CDC14A: variants seen among roughly 807,000 people sequenced by gnomAD.
CDC14A encodes the protein cell division cycle 14A, also known as dual specificity protein phosphatase CDC14A.
Under a neutral mutation model 74.4 loss-of-function variants are expected in CDC14A, and 53 were observed. The ratio of observed to expected loss-of-function variants is 0.71; its 90% CI spans 0.57 to 0.89. The LOEUF (loss-of-function observed/expected upper bound fraction) is 0.89. CDC14A is among the 40% of genes least tolerant of loss of function. The probability of loss-of-function intolerance (pLI) is 0.00; values close to 1 mark genes in which losing one functional copy is unlikely to be tolerated. For missense variants in CDC14A, 646 were observed against 713.7 expected (o/e 0.91, Z 1.08); for synonymous variants, 247 against 258.4 (o/e 0.96, Z 0.43).
At chr1:100,350,688 C>G (rs1650881656), upstream of CDC14A, among the ~76,000 whole-genome samples, 1 of 152,192 alleles carries the variant, frequency 6.6e-6, no homozygotes, top group Non-Finnish European at 1.5e-5. Flanking sequence ...AATGAGAACT[C>G]TGACTTCTAT....
chr1:100,408,582 A>G (rs139453217), intron 4 of CDC14A, among the ~76,000 whole-genome samples: 297 of 152,246 alleles, frequency 2.0e-3, no homozygotes, highest in Non-Finnish European at 2.8e-3. Context: ...AGCATCTGTT[A>G]TATTTTTTGA....
At chr1:100,392,256 G>A (rs1657816649) in intron 4 of CDC14A, among the ~76,000 whole-genome samples, 2 of 152,188 alleles carry the variant, frequency 1.3e-5, no homozygotes, top group South Asian at 4.1e-4. Flanking sequence ...CATTGATAAT[G>A]ACTACTCATT....
In CDC14A at chr1:100,374,886, A is replaced by C. The variant is rs538288713; in HGVS notation, c.141-2660A>C. Among the ~76,000 whole-genome samples, 3 of 152,348 alleles carry C rather than the reference A, an allele frequency of 2.0e-5. No homozygotes were observed. The South Asian group carries it at 6.2e-4, about 32-fold the overall frequency. On this transcript the variant is annotated intron_variant, in intron 2 of 15. Coordinates refer to ENST00000336454, the MANE Select transcript of CDC14A (RefSeq NM_003672.4). ...TTAATGAACAAACTATTTCATAATG[A>C]ATACTTGTTTCTGCTTTTGTATTAC...
chr1:100,518,557 G>T lies in CDC14A; in HGVS notation c.*277G>T. The T allele has an allele frequency of 3.4e-6, 1 of 297,638 alleles. No homozygotes were observed. Among genetic ancestry groups the T allele is most frequent in the Non-Finnish European group, 6.3e-6 (1 of 158,182 alleles). 18.4% of individuals were successfully genotyped at this position (297,638 alleles called of 1,614,324 possible). A position where few individuals can be genotyped will look rare whatever the true frequency, so the allele number is the denominator to read the frequency against. ...GGTATTTTGAAGGGTTATTTTTAAT[G>T]TATTTTGGTAATACATTTATTATTA... On this transcript the variant is annotated 3_prime_UTR_variant, in exon 16 of 16. Transcript: ENST00000336454.
chr1:100,353,119 G>A (rs1248153670), intron 1 of CDC14A, 116 bp downstream of exon 1: 10 of 1,128,802 alleles, frequency 8.9e-6, no homozygotes, highest in African/African-American at 1.5e-5. Context: ...CGCTGCGCGC[G>A]CTCTCGTCCC....
At chr1:100,453,336 A>G (rs1666338592) in intron 7 of CDC14A, among the ~76,000 whole-genome samples, 1 of 152,222 alleles carries the variant, frequency 6.6e-6, no homozygotes, top group South Asian at 2.1e-4. Context: ...GTGGTCAAGG[A>G]TACAGAAATA....
intron 4 of CDC14A, among the ~76,000 whole-genome samples, chr1:100,423,220 A>G (rs1299493708): frequency 6.6e-6 from 1 of 151,572 alleles, no homozygotes; most frequent in African/African-American, 2.4e-5. Context: ...AGCCACACTG[A>G]CCTCCTTTTC....
intron 5 of CDC14A, among the ~76,000 whole-genome samples, chr1:100,439,231 G>A (rs1388145603): frequency 1.3e-5 from 2 of 152,182 alleles, no homozygotes; most frequent in African/African-American, 2.4e-5. Flanking sequence ...GTGGCTCAGA[G>A]GAGATTGTTT....
At chr1:100,353,502 C>CA (rs1361220014) in intron 1 of CDC14A, among the ~76,000 whole-genome samples, 1 of 152,202 alleles carries the variant, frequency 6.6e-6, no homozygotes, top group Admixed American at 6.5e-5. Flanking sequence ...CGGGTACCCC[C>CA]AGCTCCTGCC....
At chr1:100,387,146 C>T (rs964365138) in intron 3 of CDC14A, among the ~76,000 whole-genome samples, 2 of 151,890 alleles carry the variant, frequency 1.3e-5, no homozygotes, top group Non-Finnish European at 2.9e-5. Flanking sequence ...TGGTAGAAAA[C>T]TGTGGGCCAG....
chr1:100,495,910 T>G, intron 12 of CDC14A, 92 bp from the exon 13 acceptor site: 1 of 1,038,340 alleles, frequency 9.6e-7, no homozygotes, highest in Non-Finnish European at 1.5e-6. Context: ...ATTTAATATT[T>G]TTACTGGTTT....
At chr1:100,351,719 C>G, upstream of CDC14A, 1 of 1,548,364 alleles carries the variant, frequency 6.5e-7, no homozygotes, top group Admixed American at 2.0e-5. Context: ...CTTTTGCGCT[C>G]ACATTGGCGG....
At chr1:100,496,128 C>A in intron 13 of CDC14A, 79 bp downstream of exon 13, 1 of 1,159,334 alleles carries the variant, frequency 8.6e-7, no homozygotes, top group Non-Finnish European at 1.3e-6. Context: ...GCCTCAAACA[C>A]GAAAATCAAC....
intron 15 of CDC14A, among the ~76,000 whole-genome samples, chr1:100,514,732 G>A (rs140616625): frequency 1.7e-3 from 254 of 152,282 alleles, no homozygotes; most frequent in African/African-American, 5.9e-3. Flanking sequence ...TGTATAAGAT[G>A]TTTAGAACTG....
chr1:100,480,033 T>TG (rs1557806668), intron 10 of CDC14A, among the ~76,000 whole-genome samples: 2 of 152,186 alleles, frequency 1.3e-5, no homozygotes, highest in African/African-American at 4.8e-5. Flanking sequence ...CATTATTATA[T>TG]GTATAATTCA....
At chr1:100,418,530 G>A (rs1400711844) in intron 4 of CDC14A, among the ~76,000 whole-genome samples, 2 of 152,144 alleles carry the variant, frequency 1.3e-5, no homozygotes, top group East Asian at 1.9e-4. Context: ...GTGAAGGGTT[G>A]GCAGTCTGGA....
intron 15 of CDC14A, chr1:100,499,596 A>G (rs1027483618): frequency 2.6e-5 from 16 of 606,842 alleles, no homozygotes; most frequent in South Asian, 6.3e-5. Flanking sequence ...TATGTTTCCA[A>G]TCACTCTGAA....
At chr1:100,426,512 C>T (rs186422402) in intron 5 of CDC14A, among the ~76,000 whole-genome samples, 2 of 152,212 alleles carry the variant, frequency 1.3e-5, no homozygotes, top group East Asian at 3.9e-4. Flanking sequence ...TACATAAATA[C>T]TAAATTTATA....
rs17122545 is a variant in CDC14A, at chr1:100,452,731, G to T, written c.520-2674G>T. ...GTGAAGAACATCTATAGTTTTTTTTGCATAGTATTTGGTAGGTAGTAGGCT... is the reference window on the plus strand; with the variant it reads ...GTGAAGAACATCTATAGTTTTTTTTTCATAGTATTTGGTAGGTAGTAGGCT... On this transcript the variant is annotated intron_variant, in intron 7 of 15. Transcript: ENST00000336454. Among the ~76,000 whole-genome samples, 889 of 151,670 alleles carry T rather than the reference G, an allele frequency of 5.9e-3. 16 individuals are homozygous for T. The highest frequency in any genetic ancestry group is 0.021 in the African/African-American group (862 of 41,388).
Sources: gnomAD v4.1 joint callset for allele counts (sites outside exome capture counted in the v4.1 genomes callset) on GRCh38, gnomAD v4.1.1 for gene constraint, MANE v1.5 for transcripts, NCBI Gene and HGNC (gene_info 2026-07-23, HGNC 2026-07-21) for gene names.